The following MBD2 variants were observed in gnomAD, a reference collection of about 807,000 sequenced individuals.
MBD2 encodes the protein methyl-CpG binding domain protein 2.
A neutral mutation model predicts 39.3 loss-of-function variants in MBD2; 9 were observed. The ratio of observed to expected loss-of-function variants is 0.23; its 90% confidence interval spans 0.14 to 0.40. The LOEUF is 0.40. MBD2 is among the 10% of genes least tolerant of loss of function. The pLI, the probability that MBD2 is intolerant of heterozygous loss-of-function variation, is 1.00. For missense variants in MBD2, 458 were observed against 532.6 expected, an observed-to-expected ratio of 0.86 and a Z score of 1.38; for synonymous variants, 233 against 211.1, an observed-to-expected ratio of 1.10 and a Z score of -0.90.
chr18:54,181,628 A>G (rs2086252520), intron 3 of MBD2, among the ~76,000 whole-genome samples: 1 of 152,036 alleles, frequency 6.6e-6, no homozygotes, highest in African/African-American at 2.4e-5. Flanking sequence ...CCTCCCAAGT[A>G]GCTGGGATTA....
chr18:54,206,240 T>C lies in MBD2; in HGVS notation c.543-1083A>G, dbSNP rs903015660. ...TGCCAAAGCTGGAAAGTTACAAAAGTGCCAGAATTATACGGAGGACTAGTC... is the reference window on the plus strand; with the variant it reads ...TGCCAAAGCTGGAAAGTTACAAAAGCGCCAGAATTATACGGAGGACTAGTC... On this transcript the variant is annotated intron_variant, in intron 1 of 6. Coordinates refer to ENST00000256429, the MANE Select transcript of MBD2 (RefSeq NM_003927.5). 2.6e-5 allele frequency among the ~76,000 whole-genome samples: 4 copies of C among 152,332 alleles called. No homozygotes were observed. In the South Asian group the frequency reaches 8.3e-4, roughly 32 times the overall value.
intron 3 of MBD2, among the ~76,000 whole-genome samples, chr18:54,179,405 CAAGAA>C (rs1269247400): frequency 5.3e-5 from 8 of 151,968 alleles, no homozygotes; most frequent in Non-Finnish European, 8.8e-5. Context: ...AAGCAAATTA[CAAGAA>C]AAGAAAAGTA....
In MBD2 at chr18:54,214,698, T is replaced by C. The variant is rs889052939; in HGVS notation, c.542+9320A>G. On this transcript the variant is annotated intron_variant, in intron 1 of 6. Coordinates refer to ENST00000256429, the MANE Select transcript of MBD2 (RefSeq NM_003927.5). ...TAACCACCTACACATGGCAAGCACA[T>C]TTAATCTCAAAAAATTTCCACGAGG... is the stretch of plus-strand genomic sequence containing the variant. Among the ~76,000 whole-genome samples the C allele has an allele frequency of 2.0e-5, 3 of 151,990 alleles. No individual in the cohort carries two copies. In the South Asian group the frequency reaches 6.2e-4, roughly 32 times the overall value.
At chr18:54,223,493 A>C (rs2086632102) in intron 1 of MBD2, among the ~76,000 whole-genome samples, 1 of 152,222 alleles carries the variant, frequency 6.6e-6, no homozygotes. Context: ...ACAGTGTGTC[A>C]GTTTCAAAAG....
chr18:54,158,432 A>G (rs28404719), intron 6 of MBD2, among the ~76,000 whole-genome samples: 51,294 of 151,806 alleles, frequency 0.34, 9,515 homozygotes, highest in East Asian at 0.43. Flanking sequence ...TTCAAAGGAA[A>G]CTAGTAAATA....
intron 5 of MBD2, chr18:54,160,155 C>T (rs2086085473): frequency 2.5e-6 from 1 of 393,068 alleles, no homozygotes; most frequent in East Asian, 4.3e-5. Flanking sequence ...AGATTGACGT[C>T]AGTGACCTTT....
chr18:54,184,539 T>C (rs1451051793), intron 3 of MBD2, among the ~76,000 whole-genome samples: 1 of 152,042 alleles, frequency 6.6e-6, no homozygotes, highest in African/African-American at 2.4e-5. Context: ...ATCTAACTTA[T>C]TGATAGTCTT....
chr18:54,198,243 C>A (rs542179979), intron 2 of MBD2, among the ~76,000 whole-genome samples: 2 of 152,310 alleles, frequency 1.3e-5, no homozygotes, highest in South Asian at 4.1e-4. Flanking sequence ...TAAGGCATTA[C>A]TTCATTAACT....
chr18:54,222,672 G>A (rs1409583851), intron 1 of MBD2, among the ~76,000 whole-genome samples: 1 of 152,012 alleles, frequency 6.6e-6, no homozygotes, highest in Non-Finnish European at 1.5e-5. Flanking sequence ...TCAAGATGAG[G>A]GTCCAGATCA....
intron 3 of MBD2, among the ~76,000 whole-genome samples, chr18:54,177,390 T>C (rs1280828116): frequency 2.6e-5 from 4 of 152,206 alleles, no homozygotes; most frequent in African/African-American, 9.6e-5. Context: ...AACTTTGATC[T>C]CTAATAGATA....
intron 5 of MBD2, among the ~76,000 whole-genome samples, chr18:54,164,265 T>C (rs1304170483): frequency 2.0e-5 from 3 of 152,218 alleles, no homozygotes; most frequent in Non-Finnish European, 1.5e-5. Context: ...GGAATATAAC[T>C]GATCTGGTGT....
chr18:54,222,465 C>T, intron 1 of MBD2: 1 of 444,842 alleles, frequency 2.2e-6, no homozygotes, highest in Non-Finnish European at 4.5e-6. Flanking sequence ...AAATACAAAC[C>T]AAGACTATCA....
At chr18:54,207,654 G>A (rs561540537) in intron 1 of MBD2, among the ~76,000 whole-genome samples, 1 of 152,296 alleles carries the variant, frequency 6.6e-6, no homozygotes, top group Admixed American at 6.5e-5. Flanking sequence ...CATGATTAAT[G>A]TGTTTTACCA....
In MBD2 at chr18:54,169,329, C is replaced by T. The variant is rs562026611; in HGVS notation, c.841-3163G>A. ...CCCTTTCTAGCCAACTTGCACTAAA[C>T]GTACTCCAATAGTCAGTCAGCTCCT... On this transcript the variant is annotated intron_variant, in intron 3 of 6. Coordinates refer to ENST00000256429, the MANE Select transcript of MBD2 (RefSeq NM_003927.5). Among the ~76,000 whole-genome samples the T allele has an allele frequency of 9.0e-4, 136 of 151,186 alleles. 2 individuals are homozygous for T. Among genetic ancestry groups the T allele is most frequent in the African/African-American group, 3.2e-3 (128 of 40,496 alleles).
chr18:54,201,948 T>C (rs2144326951), intron 2 of MBD2, among the ~76,000 whole-genome samples: 1 of 152,284 alleles, frequency 6.6e-6, no homozygotes, highest in Non-Finnish European at 1.5e-5. Flanking sequence ...GGAAAACATG[T>C]TAAAATCATA....
At chr18:54,161,788 T>C (rs1187379792) in intron 5 of MBD2, among the ~76,000 whole-genome samples, 1 of 152,152 alleles carries the variant, frequency 6.6e-6, no homozygotes, top group Non-Finnish European at 1.5e-5. Flanking sequence ...CTTTATATAA[T>C]TCTCTCCTCT....
At chr18:54,213,345 T>C (rs2086526956) in intron 1 of MBD2, among the ~76,000 whole-genome samples, 1 of 152,144 alleles carries the variant, frequency 6.6e-6, no homozygotes, top group South Asian at 2.1e-4. Context: ...CTAGGTTGCA[T>C]GCTCCTTATG....
At chr18:54,185,175 T>G (rs1261630624) in intron 3 of MBD2, among the ~76,000 whole-genome samples, 1 of 152,144 alleles carries the variant, frequency 6.6e-6, no homozygotes, top group Non-Finnish European at 1.5e-5. Context: ...CTAATACAAT[T>G]TAAAACATTC....
intron 4 of MBD2, among the ~76,000 whole-genome samples, chr18:54,165,875 G>A (rs2086127729): frequency 1.3e-5 from 2 of 152,302 alleles, no homozygotes; most frequent in South Asian, 4.1e-4. Context: ...CTACACTGCA[G>A]CATCCCTGCA....
Sources: gnomAD v4.1 joint callset for allele counts (sites outside exome capture counted in the v4.1 genomes callset) on GRCh38, gnomAD v4.1.1 for gene constraint, MANE v1.5 for transcripts, NCBI Gene and HGNC (gene_info 2026-07-23, HGNC 2026-07-21) for gene names.